MGAT4C: variants seen among roughly 807,000 people sequenced by gnomAD.
MGAT4C encodes the protein alpha-1,3-mannosyl-glycoprotein 4-beta-N-acetylglucosaminyltransferase C.
In MGAT4C, 19 loss-of-function variants were observed where a neutral mutation model predicts 40.1. That is an observed-to-expected ratio of 0.47 (90% CI 0.33 to 0.70). The LOEUF (loss-of-function observed/expected upper bound fraction) is 0.70. MGAT4C is among the 30% of genes least tolerant of loss of function. The pLI, the probability that MGAT4C is intolerant of heterozygous loss-of-function variation, is 0.02. For synonymous variants in MGAT4C, 181 were observed against 187.1 expected (o/e 0.97, Z 0.27); for missense variants, 491 against 563.2 (o/e 0.87, Z 1.30).
At chr12:86,411,989 C>T (rs1956615856) in intron 3 of MGAT4C, among the ~76,000 whole-genome samples, 1 of 152,176 alleles carries the variant, frequency 6.6e-6, no homozygotes, top group African/African-American at 2.4e-5. Context: ...AGTCCTAAGG[C>T]CTGGTGGCTT....
intron 2 of MGAT4C, among the ~76,000 whole-genome samples, chr12:86,046,324 A>G (rs1892392229): frequency 6.6e-6 from 1 of 152,182 alleles, no homozygotes; most frequent in Non-Finnish European, 1.5e-5. Flanking sequence ...ACAGCCTACA[A>G]TTTTAAGCCT....
intron 2 of MGAT4C, among the ~76,000 whole-genome samples, chr12:86,648,813 T>A (rs1284917759): frequency 6.6e-6 from 1 of 151,874 alleles, no homozygotes; most frequent in Non-Finnish European, 1.5e-5. Flanking sequence ...TTTATATAAT[T>A]GTTAGACTAG....
At chr12:86,448,451 T>C (rs952536450) in intron 2 of MGAT4C, among the ~76,000 whole-genome samples, 1 of 152,192 alleles carries the variant, frequency 6.6e-6, no homozygotes, top group African/African-American at 2.4e-5. Flanking sequence ...AGCCTTCTCC[T>C]TACCCTATCT....
intron 4 of MGAT4C, among the ~76,000 whole-genome samples, chr12:86,272,638 C>A (rs778086856): frequency 6.6e-6 from 1 of 152,084 alleles, no homozygotes; most frequent in East Asian, 1.9e-4. Context: ...ATTGCTTGAG[C>A]TCAGGAGTTG....
chr12:86,582,254 G>C (rs1225731176), intron 2 of MGAT4C, among the ~76,000 whole-genome samples: 1 of 151,362 alleles, frequency 6.6e-6, no homozygotes, highest in Non-Finnish European at 1.5e-5. Flanking sequence ...AAGTCTTCAG[G>C]AGACTGTTTA....
In MGAT4C at chr12:86,811,431, C is replaced by T. The variant is rs150544829; in HGVS notation, c.-262+27235G>A. The stretch of plus-strand genomic sequence containing the variant: ...GATCTCGGCTCACTTCAATCTCCAC[C>T]TCCTACGTTAGGTAATTTTCCTGCC... On this transcript the variant is annotated intron_variant, in intron 1 of 7. Coordinates refer to the MGAT4C transcript ENST00000548651. Among the ~76,000 whole-genome samples, 312 of 149,780 alleles carry T rather than the reference C, an allele frequency of 2.1e-3. 3 individuals carry two copies. The highest frequency in any genetic ancestry group is 7.3e-3 in the African/African-American group (301 of 40,976).
intron 1 of MGAT4C, among the ~76,000 whole-genome samples, chr12:86,163,547 C>A (rs1885843180): frequency 6.6e-6 from 1 of 152,096 alleles, no homozygotes; most frequent in Non-Finnish European, 1.5e-5. Context: ...ACTTTTATAT[C>A]ATTAACAATG....
chr12:86,087,894 T>C (rs61931145), intron 1 of MGAT4C, among the ~76,000 whole-genome samples: 11,809 of 152,032 alleles, frequency 0.078, 627 homozygotes, highest in Middle Eastern at 0.23. Flanking sequence ...TAAAAATTCA[T>C]ATGGAACCAA....
At chr12:86,168,397 A>G (rs981180944) in intron 1 of MGAT4C, among the ~76,000 whole-genome samples, 1 of 152,176 alleles carries the variant, frequency 6.6e-6, no homozygotes, top group African/African-American at 2.4e-5. Context: ...CATTTTTTTC[A>G]GTTACCATAA....
intron 1 of MGAT4C, among the ~76,000 whole-genome samples, chr12:86,224,792 G>A (rs562400657): frequency 6.6e-6 from 1 of 152,276 alleles, no homozygotes; most frequent in African/African-American, 2.4e-5. Flanking sequence ...CAAAGGCAGT[G>A]TTAAGAGGAA....
intron 3 of MGAT4C, among the ~76,000 whole-genome samples, chr12:86,364,807 T>C (rs974977414): frequency 2.0e-5 from 3 of 152,134 alleles, no homozygotes; most frequent in Admixed American, 1.3e-4. Context: ...GGTGTATGAA[T>C]AGGGTGTGGG....
In MGAT4C at chr12:86,041,118, C is replaced by T. The variant is rs183465740; in HGVS notation, c.-7+8556G>A. Among the ~76,000 whole-genome samples the T allele has an allele frequency of 1.7e-4, 25 of 149,660 alleles. No homozygotes were observed. In the East Asian group the frequency reaches 4.7e-3, roughly 28 times the overall value. ...CTGGTTGCTGCAGACCGGAGCTTTTCTTATTCAGCCATCTTGCCCATTTTT... is the reference window on the plus strand; with the variant it reads ...CTGGTTGCTGCAGACCGGAGCTTTTTTTATTCAGCCATCTTGCCCATTTTT... On this transcript the variant is annotated intron_variant, in intron 2 of 4. Coordinates refer to ENST00000611864, the MANE Select transcript of MGAT4C (RefSeq NM_001351288.2).
intron 3 of MGAT4C, 136 bp from the exon 4 acceptor site, chr12:85,983,806 G>T (rs990353557): frequency 3.1e-6 from 2 of 635,536 alleles, no homozygotes; most frequent in African/African-American, 1.9e-5. Flanking sequence ...AACTACTGAC[G>T]TCATAAGCTG....
chr12:86,584,116 A>T lies in MGAT4C; in HGVS notation c.-229+143093T>A, dbSNP rs1055336131. ...ATCAGTGAGTTTTATCAGTGAGTTT[A>T]AAACTCACTGATAATTCAGTGAATA... On this transcript the variant is annotated intron_variant, in intron 2 of 7. Transcript: ENST00000548651. 7.9e-5 allele frequency among the ~76,000 whole-genome samples: 12 copies of T among 151,068 alleles called. 1 individual carries two copies. Among genetic ancestry groups the T allele is most frequent in the African/African-American group, 2.7e-4 (11 of 41,454 alleles).
At chr12:86,219,293 C>G (rs1950790708) in intron 1 of MGAT4C, among the ~76,000 whole-genome samples, 1 of 152,120 alleles carries the variant, frequency 6.6e-6, no homozygotes, top group Non-Finnish European at 1.5e-5. Flanking sequence ...TTCTATTCTT[C>G]AAAGCTCTGC....
intron 2 of MGAT4C, among the ~76,000 whole-genome samples, chr12:86,548,614 G>T (rs1298301652): frequency 6.6e-6 from 1 of 152,134 alleles, no homozygotes; most frequent in Admixed American, 6.5e-5. Context: ...CTAAGATAAA[G>T]AATAGAGTAG....
chr12:86,469,713 G>A (rs1400492516), intron 2 of MGAT4C, among the ~76,000 whole-genome samples: 1 of 152,058 alleles, frequency 6.6e-6, no homozygotes, highest in Non-Finnish European at 1.5e-5. Context: ...GGCCTTGTAA[G>A]AGCCCAGGTA....
At chr12:86,015,182 A>G (rs1381629249) in intron 2 of MGAT4C, among the ~76,000 whole-genome samples, 2 of 150,012 alleles carry the variant, frequency 1.3e-5, no homozygotes, top group East Asian at 4.1e-4. Context: ...AATAGTAAGA[A>G]TGGTTACATT....
At chr12:86,810,260 A>G (rs1392278934) in intron 1 of MGAT4C, among the ~76,000 whole-genome samples, 2 of 151,906 alleles carry the variant, frequency 1.3e-5, no homozygotes, top group African/African-American at 4.8e-5. Context: ...TTCTTATGTT[A>G]TAAGAAATAA....
Sources: gnomAD v4.1 joint callset for allele counts (sites outside exome capture counted in the v4.1 genomes callset) on GRCh38, gnomAD v4.1.1 for gene constraint, MANE v1.5 for transcripts, NCBI Gene and HGNC (gene_info 2026-07-23, HGNC 2026-07-21) for gene names.